Variants in TRPC6 observed in about 807,000 individuals in gnomAD.
The protein encoded by TRPC6 is transient receptor potential cation channel subfamily C member 6.
Under a neutral mutation model 90.7 loss-of-function variants are expected in TRPC6, and 55 were observed. That is an observed-to-expected ratio of 0.61 (90% CI 0.49 to 0.76). The LOEUF (loss-of-function observed/expected upper bound fraction) is 0.76. TRPC6 is among the 30% of genes least tolerant of loss of function. The pLI is 0.00. For synonymous variants in TRPC6, 393 were observed against 393.0 expected (o/e 1.00, Z 0.00); for missense variants, 989 against 1,122.7 (o/e 0.88, Z 1.70).
intron 2 of TRPC6, among the ~76,000 whole-genome samples, chr11:101,494,758 C>A (rs1859905548): frequency 6.6e-6 from 1 of 152,056 alleles, no homozygotes; most frequent in African/African-American, 2.4e-5. Context: ...TATTTAATAA[C>A]CTTAATCTAT....
chr11:101,479,181 T>C (rs1437578001), intron 5 of TRPC6, among the ~76,000 whole-genome samples: 1 of 152,226 alleles, frequency 6.6e-6, no homozygotes, highest in East Asian at 1.9e-4. Context: ...GTTTGCCAAT[T>C]GGCTGCACGT....
At chr11:101,457,907 A>C (rs1208588076) in intron 10 of TRPC6, among the ~76,000 whole-genome samples, 1 of 151,972 alleles carries the variant, frequency 6.6e-6, no homozygotes, top group East Asian at 1.9e-4. Flanking sequence ...CTTTAGGTCT[A>C]TTTCATGGTT....
In TRPC6 at chr11:101,452,188, G is replaced by A. The variant is rs1325081095; in HGVS notation, c.*767C>T. ...CTTATTTAGACAGTAAAATTTTTTA[G>A]TGACAATAAAAATTTATAACATAAA... On this transcript the variant is annotated 3_prime_UTR_variant, in exon 13 of 13. Coordinates refer to ENST00000344327, the MANE Select transcript of TRPC6 (RefSeq NM_004621.6). 1 of 151,992 alleles carries A rather than the reference G, an allele frequency of 6.6e-6. No homozygotes were observed. Among genetic ancestry groups the A allele is most frequent in the Non-Finnish European group, 1.5e-5 (1 of 68,008 alleles). The allele number at this position is 151,992 out of a possible 1,614,324, so 9.4% of individuals were successfully genotyped here.
chr11:101,550,874 C>T (rs950229583), intron 1 of TRPC6, among the ~76,000 whole-genome samples: 1 of 151,620 alleles, frequency 6.6e-6, no homozygotes, highest in African/African-American at 2.4e-5. Flanking sequence ...ATTCATTGAG[C>T]TCACCTAATA....
chr11:101,552,597 CA>C (rs1861473249), intron 1 of TRPC6, among the ~76,000 whole-genome samples: 2 of 151,956 alleles, frequency 1.3e-5, no homozygotes, highest in Non-Finnish European at 1.5e-5. Context: ...TTGCCCAAAT[CA>C]AAAAGTGAAC....
chr11:101,583,092 G>A, intron 1 of TRPC6: 1 of 870,278 alleles, frequency 1.1e-6, no homozygotes, highest in Non-Finnish European at 1.4e-6. Flanking sequence ...TCACTCTCGT[G>A]GGCAAACATA....
intron 1 of TRPC6, among the ~76,000 whole-genome samples, chr11:101,571,679 C>G (rs913417088): frequency 6.6e-6 from 1 of 152,100 alleles, no homozygotes; most frequent in Non-Finnish European, 1.5e-5. Flanking sequence ...GATATACAGA[C>G]CAACAGAACA....
intron 1 of TRPC6, among the ~76,000 whole-genome samples, chr11:101,535,380 C>A: frequency 7.6e-6 from 1 of 131,422 alleles, no homozygotes. Flanking sequence ...CCCACTTATT[C>A]CCTAATCTTA....
At chr11:101,453,493 A>G in intron 12 of TRPC6, 157 bp downstream of exon 12, 1 of 756,994 alleles carries the variant, frequency 1.3e-6, no homozygotes, top group South Asian at 1.5e-5. Context: ...CCTGTTCCCC[A>G]CTCTTTAACA....
intron 7 of TRPC6, 77 bp downstream of exon 7, chr11:101,473,432 G>A (rs1007813767): frequency 1.3e-6 from 2 of 1,522,324 alleles, no homozygotes; most frequent in Admixed American, 1.7e-5. Context: ...ATTATCCCAT[G>A]GACTTACATA....
intron 4 of TRPC6, among the ~76,000 whole-genome samples, chr11:101,487,303 G>A (rs1039870400): frequency 6.6e-6 from 1 of 152,016 alleles, no homozygotes; most frequent in Admixed American, 6.6e-5. Flanking sequence ...AGATGACTCA[G>A]GAAATATAAG....
intron 1 of TRPC6, among the ~76,000 whole-genome samples, chr11:101,541,203 A>G (rs1211077868): frequency 6.6e-6 from 1 of 152,220 alleles, no homozygotes; most frequent in East Asian, 1.9e-4. Flanking sequence ...GATAAAAGCC[A>G]GTCTTTTTGT....
intron 10 of TRPC6, among the ~76,000 whole-genome samples, chr11:101,461,131 C>A (rs1442257590): frequency 3.3e-5 from 5 of 152,116 alleles, no homozygotes; most frequent in Non-Finnish European, 7.4e-5. Flanking sequence ...TGACTGAATT[C>A]TTTTCTGAAT....
rs1411043425 is a variant in TRPC6, at chr11:101,482,952, T to C, written c.1507A>G (p.Ile503Val). 1 of 1,613,818 alleles carries C rather than the reference T, an allele frequency of 6.2e-7. No homozygotes were observed. The highest frequency in any genetic ancestry group is 8.5e-7 in the Non-Finnish European group (1 of 1,179,846). Residue 503 changes from isoleucine (I) to valine (V), a missense_variant, in exon 5 of 13, where the codon ATA becomes GTA. By Grantham distance (29) the Ile-to-Val change is conservative (BLOSUM62 3). This residue lies in a region of TRPC6 where 486 missense variants were observed against 591.9 expected (regional missense o/e 0.82). Coordinates refer to ENST00000344327, the MANE Select transcript of TRPC6 (RefSeq NM_004621.6). Reference sequence around the variant, plus strand: ...ATGACAGAAAATCAGTCTTTACCTATTACCCAGGATATAATGAGCATCTCC... The same window carrying C: ...ATGACAGAAAATCAGTCTTTACCTACTACCCAGGATATAATGAGCATCTCC... ...WMEMLIISWVIGMIWAECKEI... is the reference protein window; with the variant it reads ...WMEMLIISWVVGMIWAECKEI...
chr11:101,455,490 C>T, intron 10 of TRPC6: 2 of 204,000 alleles, frequency 9.8e-6, no homozygotes, highest in South Asian at 1.7e-4. Context: ...TTAACTAAGA[C>T]ATCCACACCT....
Position 101,567,527 on chromosome 11 carries a change from C to G in TRPC6, c.170+15807G>C, listed in dbSNP as rs72976306. 3.3e-5 allele frequency among the ~76,000 whole-genome samples: 5 copies of G among 152,340 alleles called. No individual in the cohort carries two copies. The South Asian group carries it at 1.0e-3, about 32-fold the overall frequency. The stretch of plus-strand genomic sequence containing the variant: ...TGTTCGAGCTCTGATAAGGGACAGA[C>G]TATCTCCGCAAGTGGTTCCCTGAAC... On this transcript the variant is annotated intron_variant, in intron 1 of 12. Transcript: ENST00000344327.
At chr11:101,496,761 T>C (rs1859960176) in intron 2 of TRPC6, among the ~76,000 whole-genome samples, 1 of 152,168 alleles carries the variant, frequency 6.6e-6, no homozygotes, top group African/African-American at 2.4e-5. Flanking sequence ...TGCTCATCAA[T>C]CAAACTGTTG....
intron 4 of TRPC6, among the ~76,000 whole-genome samples, chr11:101,485,702 G>A (rs1004209278): frequency 6.6e-6 from 1 of 152,054 alleles, no homozygotes; most frequent in South Asian, 2.1e-4. Context: ...AGAATAAGAA[G>A]CAGCTTTCAA....
intron 2 of TRPC6, among the ~76,000 whole-genome samples, chr11:101,502,161 G>A (rs187152285): frequency 3.3e-5 from 5 of 152,240 alleles, no homozygotes; most frequent in East Asian, 1.9e-4. Context: ...AGATCTTTAC[G>A]TCTTCATCAT....
Sources: gnomAD v4.1 joint callset for allele counts (sites outside exome capture counted in the v4.1 genomes callset) on GRCh38, gnomAD v4.1.1 for gene constraint, gnomAD v4.1.1 regional missense constraint, MANE v1.5 for transcripts, NCBI Gene and HGNC (gene_info 2026-07-23, HGNC 2026-07-21) for gene names.